The following ABCC5 variants were observed in gnomAD, a reference collection of about 807,000 sequenced individuals.
ABCC5 encodes the protein ATP binding cassette subfamily C member 5.
In ABCC5, 61 loss-of-function variants were observed where a neutral mutation model predicts 160.9. The ratio of observed to expected loss-of-function variants is 0.38; its 90% CI spans 0.31 to 0.47. ABCC5 has a LOEUF of 0.47. Among genes scored for constraint, ABCC5 ranks in the 20% least tolerant of loss-of-function variants. The pLI is 0.99. For missense variants in ABCC5, 1,308 were observed against 1,813.3 expected, an observed-to-expected ratio of 0.72 and a Z score of 5.06; for synonymous variants, 666 against 700.6, an observed-to-expected ratio of 0.95 and a Z score of 0.78.
Position 183,961,833 on chromosome 3 carries a change from G to A in ABCC5, c.2236-179C>T, listed in dbSNP as rs547989360. On this transcript the variant is annotated intron_variant, in intron 15 of 29. Coordinates refer to ENST00000334444, the MANE Select transcript of ABCC5 (RefSeq NM_005688.4). ...CTTGCTCTGTCGTTCACGCTGGAGC[G>A]TGGTGGCGCAATCTCGGTTCACTGC... 3.0e-4 allele frequency among the ~76,000 whole-genome samples: 46 copies of A among 152,256 alleles called. No homozygotes were observed. The South Asian group carries it at 9.5e-3, about 32-fold the overall frequency.
In ABCC5 at chr3:183,963,636, C is replaced by G. The variant is rs1192471577; in HGVS notation, c.2032-48G>C. 3 of 1,591,138 alleles carry G rather than the reference C, an allele frequency of 1.9e-6. No homozygotes were observed. In the South Asian group the frequency reaches 3.3e-5, roughly 18 times the overall value. On this transcript the variant is annotated intron_variant, in intron 14 of 29. Coordinates refer to ENST00000334444, the MANE Select transcript of ABCC5 (RefSeq NM_005688.4). The surrounding 1 kb of genome is among the most constrained non-coding windows in gnomAD (Gnocchi z 4.6). ...TGAAGCCTCCAGCGCAAGTCCAGAA[C>G]AGCGTGGAGGGGTCACCCAGTCACT...
chr3:183,944,294 C>T (rs1166316171), intron 24 of ABCC5, among the ~76,000 whole-genome samples: 7 of 151,968 alleles, frequency 4.6e-5, no homozygotes, highest in Non-Finnish European at 1.0e-4. Context: ...CTTGGCGGGG[C>T]TGAGGTGGGA....
chr3:183,982,369 C>G lies in ABCC5; in HGVS notation c.999+82G>C. 2.1e-6 allele frequency: 3 copies of G among 1,462,298 alleles called. No homozygotes were observed. In the Admixed American group the frequency reaches 6.5e-5, roughly 32 times the overall value. 90.6% of individuals were successfully genotyped at this position (1,462,298 alleles called of 1,614,324 possible). A position where few individuals can be genotyped will look rare whatever the true frequency, so the allele number is the denominator to read the frequency against. ...ATTTCCAATCAGAGCTGTGAGACCT[C>G]AGCAATGCCTACTATAACCCAATGG... On this transcript the variant is annotated intron_variant, in intron 7 of 29. Transcript: ENST00000334444. This position sits in a 1 kb window ranked among gnomAD's most constrained non-coding sequence, Gnocchi z 5.2.
intron 26 of ABCC5, among the ~76,000 whole-genome samples, chr3:183,935,589 C>T (rs543481251): frequency 7.9e-5 from 12 of 152,284 alleles, no homozygotes; most frequent in African/African-American, 2.2e-4. Flanking sequence ...CTGCCACCTC[C>T]GCCTCCCAGG....
intron 26 of ABCC5, among the ~76,000 whole-genome samples, chr3:183,934,638 C>A (rs1713504025): frequency 6.6e-6 from 1 of 152,194 alleles, no homozygotes; most frequent in African/African-American, 2.4e-5. Context: ...TCTACCCACA[C>A]CAGCTGCACG....
chr3:183,956,487 C>A (rs972681309), intron 17 of ABCC5, among the ~76,000 whole-genome samples: 2 of 148,616 alleles, frequency 1.3e-5, no homozygotes, highest in Non-Finnish European at 3.0e-5. Context: ...TATATCACAT[C>A]TGTTACATGC....
chr3:183,934,282 GA>G (rs1248997311), intron 26 of ABCC5, among the ~76,000 whole-genome samples: 1 of 152,222 alleles, frequency 6.6e-6, no homozygotes, highest in Non-Finnish European at 1.5e-5. Context: ...AACAGAGCGA[GA>G]CTCTGTCTCA....
chr3:183,978,325 G>T (rs948579187), intron 9 of ABCC5, among the ~76,000 whole-genome samples, 178 bp downstream of exon 9: 60 of 141,990 alleles, frequency 4.2e-4, no homozygotes, highest in South Asian at 2.7e-3. Flanking sequence ...TTTTTTTTTT[G>T]TTTGTTTGTT....
At chr3:183,973,257 T>C (rs1170599186) in intron 10 of ABCC5, among the ~76,000 whole-genome samples, 1 of 151,490 alleles carries the variant, frequency 6.6e-6, no homozygotes, top group Non-Finnish European at 1.5e-5. Context: ...GGTTTCACTA[T>C]ATTAGCCAGG....
chr3:183,951,478 C>T lies in ABCC5; in HGVS notation c.2907G>A (p.Gly969=). ...PMKFFDTTPT[G]RILNRFSKDM... ...CTTTGGAAAACCTGTTGAGAATCCTCCCTGTGGGGGTCGTGTCAAAAAACT... is the reference window on the plus strand; with the variant it reads ...CTTTGGAAAACCTGTTGAGAATCCTTCCTGTGGGGGTCGTGTCAAAAAACT... Residue 969 remains glycine (G), a synonymous_variant, in exon 20 of 30, where the codon GGG becomes GGA. Transcript: ENST00000334444. This position sits in a 1 kb window ranked among gnomAD's most constrained non-coding sequence, Gnocchi z 4.7. The T allele has an allele frequency of 2.5e-6, 4 of 1,614,176 alleles. No homozygotes were observed. Among genetic ancestry groups the T allele is most frequent in the South Asian group, 1.1e-5 (1 of 91,078 alleles).
chr3:183,967,895 A>G, intron 11 of ABCC5, 129 bp from the exon 12 acceptor site: 2 of 742,212 alleles, frequency 2.7e-6, no homozygotes, highest in South Asian at 1.6e-5. Flanking sequence ...TCAGCAGGCC[A>G]CTTACCTGTT....
rs767488616 is a variant in ABCC5 at position 183,971,590 on chromosome 3, C to T, written c.1734G>A (p.Leu578=). Residue 578 remains leucine (L), a synonymous_variant, in exon 11 of 30, where the codon CTG becomes CTA. Transcript: ENST00000334444. ...CTTGGATCTCCAGATCGATGCTGTG[C>T]AGTGTCCTCTGTAAGCGCAGGTGGC... ...HLGHLRLQRT[L]HSIDLEIQEG... 6.2e-7 allele frequency: 1 copy of T among 1,614,042 alleles called. No homozygotes were observed. The highest frequency in any genetic ancestry group is 1.1e-5 in the South Asian group (1 of 91,074).
intron 11 of ABCC5, among the ~76,000 whole-genome samples, chr3:183,969,155 A>G (rs956268488): frequency 6.6e-6 from 1 of 152,144 alleles, no homozygotes; most frequent in Non-Finnish European, 1.5e-5. Flanking sequence ...CTTGGCAAAC[A>G]TTACCTCCCC....
rs1375447166 is a variant in ABCC5, at chr3:183,949,405, GGTTTGTTCC to G, written c.3227+339_3227+347del. ...AGGCCAATAGACTCCTAATCTGTGG[GGTTTGTTCC>G]TTGTATTTTGTTTTGAGATGGGGTC... On this transcript the variant is annotated intron_variant, in intron 22 of 29. Transcript: ENST00000334444. This position sits in a 1 kb window ranked among gnomAD's most constrained non-coding sequence, Gnocchi z 4.2. Among the ~76,000 whole-genome samples the G allele has an allele frequency of 6.6e-6, 1 of 152,158 alleles. No homozygotes were observed. The highest frequency in any genetic ancestry group is 1.5e-5 in the Non-Finnish European group (1 of 68,028).
At chr3:183,957,777 T>C (rs9840799) in intron 17 of ABCC5, among the ~76,000 whole-genome samples, 4,631 of 54,062 alleles carry the variant, frequency 0.086, 164 homozygotes, top group African/African-American at 0.24. Flanking sequence ...CGGTTACACG[T>C]AAATCCGTGT....
At chr3:183,947,856 C>A (rs1714993737) in intron 22 of ABCC5, among the ~76,000 whole-genome samples, 1 of 152,108 alleles carries the variant, frequency 6.6e-6, no homozygotes, top group Non-Finnish European at 1.5e-5. Flanking sequence ...TATCTTAGGT[C>A]AGAAGGCATT....
intron 17 of ABCC5, among the ~76,000 whole-genome samples, chr3:183,958,344 G>C (rs1334336749): frequency 6.6e-6 from 1 of 152,174 alleles, no homozygotes; most frequent in African/African-American, 2.4e-5. Context: ...ACAAATCTCA[G>C]AATAAGCCTC....
chr3:183,946,963 A>G (rs1281703256), intron 23 of ABCC5, among the ~76,000 whole-genome samples: 2 of 152,236 alleles, frequency 1.3e-5, no homozygotes, highest in Non-Finnish European at 2.9e-5. Flanking sequence ...TATTGAGTCT[A>G]TAACATTTCT....
intron 17 of ABCC5, among the ~76,000 whole-genome samples, chr3:183,954,410 AAGTGCTGGGATTAC>A (rs1341812089): frequency 6.6e-6 from 1 of 152,106 alleles, no homozygotes; most frequent in Non-Finnish European, 1.5e-5. Context: ...CAGCCTCCCA[AAGTGCTGGGATTAC>A]AGGCATGAGC....
Sources: gnomAD v4.1 joint callset for allele counts (sites outside exome capture counted in the v4.1 genomes callset) on GRCh38, gnomAD v4.1.1 for gene constraint, Gnocchi (gnomAD v3.1) non-coding constraint, MANE v1.5 for transcripts, NCBI Gene and HGNC (gene_info 2026-07-23, HGNC 2026-07-21) for gene names.